The following TTN variants were observed in gnomAD, a reference collection of about 807,000 sequenced individuals.
TTN encodes titin.
Under a neutral mutation model 3,223.0 loss-of-function variants are expected in TTN, and 1,525 were observed. That is an observed-to-expected ratio of 0.47 (90% CI 0.45 to 0.49). TTN has a LOEUF of 0.49. TTN is among the 20% of genes least tolerant of loss of function. TTN has a pLI of 0.00. For synonymous variants in TTN, 14,094 were observed against 15,161.0 expected (o/e 0.93, Z 5.17); for missense variants, 40,786 against 43,424.0 (o/e 0.94, Z 5.40).
Position 178,593,606 on chromosome 2 carries a change from G to A in TTN, c.58694C>T (p.Pro19565Leu), listed in dbSNP as rs878880222. The change falls in exon 298 of 363, where the codon CCT becomes CTT. Residue 19565 changes from proline (P) to leucine (L), a missense_variant. Physicochemically the swap from Pro to Leu is moderately conservative, Grantham distance 98. Transcript: ENST00000589042. Reference protein sequence around the residue: ...HAENLYGISDPLVSDSMKAKD... With the variant: ...HAENLYGISDLLVSDSMKAKD... ...GGCTTTCATTGAATCAGACACCAGA[G>A]GATCACTTATTCCATACAGATTTTC... 1.9e-6 allele frequency: 3 copies of A among 1,612,610 alleles called. No individual in the cohort carries two copies. In the African/African-American group the frequency reaches 4.0e-5, roughly 22 times the overall value.
chr2:178,619,324 G>C, intron 250 of TTN: 1 of 462,718 alleles, frequency 2.2e-6, no homozygotes, highest in Non-Finnish European at 3.8e-6. Context: ...GAGAGTATAA[G>C]ACCGTCTTTA....
intron 71 of TTN, 60 bp from the exon 72 acceptor site, chr2:178,724,598 T>C: frequency 1.4e-6 from 2 of 1,480,180 alleles, no homozygotes; most frequent in South Asian, 1.5e-5. Flanking sequence ...GTCTCTACTA[T>C]CACATTCACT....
rs1440402638 is a variant in TTN, at chr2:178,599,634, C to T, written c.56267G>A (p.Arg18756Lys). Residue 18756 changes from arginine (R) to lysine (K), a missense_variant, in exon 289 of 363, where the codon AGG becomes AAG. Transcript: ENST00000589042. Reference protein sequence around the residue: ...TCTLVIPQSRRSDTGLYTITA... With the variant: ...TCTLVIPQSRKSDTGLYTITA... The stretch of plus-strand genomic sequence containing the variant: ...GATGGTATATAAGCCAGTGTCACTC[C>T]TGCGAGACTGCGGAATAACTAAAGT... 1.2e-6 allele frequency: 2 copies of T among 1,612,558 alleles called. No homozygotes were observed. The highest frequency in any genetic ancestry group is 1.7e-6 in the Non-Finnish European group (2 of 1,179,164).
In TTN at chr2:178,724,143, T is replaced by C; in HGVS notation, c.21116A>G (p.Asp7039Gly). ...TGTGAAAGAGGGAGGAACTGCTCGG[T>C]CTGTGTGAGGAAAGGTAAGAGACTC... Reference protein sequence around the residue: ...SSCTAVVDVSDRAVPPSFTRR... With the variant: ...SSCTAVVDVSGRAVPPSFTRR... Residue 7039 changes from aspartate (D) to glycine (G), a missense_variant and splice_region_variant, in exon 73 of 363, where the codon GAC becomes GGC. Physicochemically the swap from Asp to Gly is moderately conservative, Grantham distance 94. Coordinates refer to ENST00000589042, the MANE Select transcript of TTN (RefSeq NM_001267550.2). The C allele has an allele frequency of 3.1e-6, 5 of 1,609,090 alleles. No individual in the cohort carries two copies. The highest frequency in any genetic ancestry group is 4.2e-6 in the Non-Finnish European group (5 of 1,176,920).
chr2:178,619,720 T>G lies in TTN; in HGVS notation c.46597A>C (p.Ile15533Leu), dbSNP rs1406271344. The change falls in exon 250 of 363, where the codon ATA (isoleucine) becomes CTA (leucine). Residue 15533 changes from isoleucine to leucine, a missense_variant. Transcript: ENST00000589042. ...ATATCACAAATCTGTAGTCGATGTATCTTTCCTTCACTCATCATCTGGTGT... is the reference window on the plus strand; with the variant it reads ...ATATCACAAATCTGTAGTCGATGTAGCTTTCCTTCACTCATCATCTGGTGT... ...DKHQMMSEGK[I>L]HRLQICDIKP... is the part of the protein sequence containing the mutation. 6.2e-7 allele frequency: 1 copy of G among 1,612,452 alleles called. No homozygotes were observed. The highest frequency in any genetic ancestry group is 1.7e-5 in the Admixed American group (1 of 59,914).
At chr2:178,774,573 A>G (rs1347170250) in intron 29 of TTN, 100 bp from the exon 30 acceptor site, 8 of 1,090,940 alleles carry the variant, frequency 7.3e-6, no homozygotes, top group Non-Finnish European at 9.3e-6. Flanking sequence ...TCTCCCCCAT[A>G]CTATCAGGTG....
chr2:178,751,469 T>C (rs2085481373), intron 47 of TTN: 4 of 1,613,310 alleles, frequency 2.5e-6, no homozygotes, highest in Non-Finnish European at 3.4e-6. Flanking sequence ...ATCTTGTTTT[T>C]TGTTAAAGGG....
chr2:178,631,806 A>G (rs549655547), intron 236 of TTN, among the ~76,000 whole-genome samples: 1 of 152,222 alleles, frequency 6.6e-6, no homozygotes, highest in East Asian at 1.9e-4. Context: ...CTCTTATGGG[A>G]AACTTGAAAA....
intron 21 of TTN, 31 bp downstream of exon 21, chr2:178,781,090 T>C (rs556920792): frequency 1.2e-6 from 2 of 1,613,498 alleles, no homozygotes; most frequent in African/African-American, 1.3e-5. Flanking sequence ...TCAGTTCTTA[T>C]CATGCACATA....
intron 180 of TTN, among the ~76,000 whole-genome samples, chr2:178,661,524 G>T (rs2064731016): frequency 4.1e-5 from 1 of 24,174 alleles, no homozygotes; most frequent in South Asian, 1.2e-3. Flanking sequence ...GGAGTGTGTT[G>T]TGAGGTGGGG....
chr2:178,758,809 T>C (rs931293826), intron 44 of TTN, 175 bp downstream of exon 44: 8 of 685,118 alleles, frequency 1.2e-5, no homozygotes, highest in Non-Finnish European at 2.0e-5. Flanking sequence ...TGATTCACAA[T>C]GAAAAGTGGT....
At chr2:178,599,923 T>A in intron 288 of TTN, 73 bp from the exon 289 acceptor site, 2 of 1,421,392 alleles carry the variant, frequency 1.4e-6, no homozygotes, top group Non-Finnish European at 1.9e-6. Context: ...TCACAGTTAC[T>A]ATAAAGTTGT....
intron 34 of TTN, 122 bp from the exon 35 acceptor site, chr2:178,770,797 A>G: frequency 8.1e-7 from 1 of 1,233,570 alleles, no homozygotes; most frequent in Non-Finnish European, 1.2e-6. Context: ...TTTTACAGTT[A>G]TGCAGCACCT....
chr2:178,630,254 G>A lies in TTN; in HGVS notation c.44268C>T (p.His14756=), dbSNP rs763411790. 2.5e-6 allele frequency: 4 copies of A among 1,613,008 alleles called. No individual in the cohort carries two copies. Among genetic ancestry groups the A allele is most frequent in the African/African-American group, 1.3e-5 (1 of 74,930 alleles). ...FQAANVKSSA[H]LRVKPRVIGL... The stretch of plus-strand genomic sequence containing the variant: ...TACAATACTTACGCTTAACTCGGAG[G>A]TGGGCACTAGATTTAACATTGGCAG... The change falls in exon 239 of 363, where the codon CAC becomes CAT. Residue 14756 remains histidine, a synonymous_variant. Transcript: ENST00000589042.
At chr2:178,667,570 A>G in intron 160 of TTN, 45 bp from the exon 161 acceptor site, 1 of 1,581,766 alleles carries the variant, frequency 6.3e-7, no homozygotes, top group African/African-American at 1.4e-5. Context: ...GGTGAAGAAA[A>G]ATATTGAGCT....
chr2:178,682,015 T>A (rs1002286249), intron 135 of TTN, among the ~76,000 whole-genome samples: 2 of 151,968 alleles, frequency 1.3e-5, no homozygotes, highest in Non-Finnish European at 1.5e-5. Flanking sequence ...ATGGTTTTTT[T>A]AAAGCTATCA....
rs567422115 is a variant in TTN at position 178,689,692 on chromosome 2, G to T, written c.31847-97C>A. 474 of 1,431,554 alleles carry T rather than the reference G, an allele frequency of 3.3e-4. 8 individuals are homozygous for T. Among genetic ancestry groups the T allele is most frequent in the South Asian group, 3.2e-3 (243 of 75,190 alleles). The allele number at this position is 1,431,554 out of a possible 1,614,324, so 88.7% of individuals were successfully genotyped here. A position where few individuals can be genotyped will look rare whatever the true frequency, so the allele number is the denominator to read the frequency against. Reference sequence around the variant, plus strand: ...AGCAGACGGGTGGACAGACACTTTTGTTCAGTTCTCACCACAAAACATTCA... The same window carrying T: ...AGCAGACGGGTGGACAGACACTTTTTTTCAGTTCTCACCACAAAACATTCA... On this transcript the variant is annotated intron_variant, in intron 122 of 362. Transcript: ENST00000589042.
chr2:178,641,486 T>A, intron 219 of TTN, 171 bp from the exon 220 acceptor site: 2 of 439,786 alleles, frequency 4.5e-6, no homozygotes, highest in Non-Finnish European at 7.9e-6. Context: ...TTGTTTTTTT[T>A]AAAATCAAAG....
Position 178,723,441 on chromosome 2 carries a change from C to T in TTN, c.21659G>A (p.Cys7220Tyr). Residue 7220 changes from cysteine (C) to tyrosine (Y), a missense_variant, in exon 74 of 363, where the codon TGC (cysteine) becomes TAC (tyrosine). Cys to Tyr is a radical substitution (Grantham distance 194). Coordinates refer to ENST00000589042, the MANE Select transcript of TTN (RefSeq NM_001267550.2). ...VVSNNAGQAS[C>Y]TTRLFVKEPA... ...ACCTTTCACAAAGAGACGGGTAGTG[C>T]AAGATGCTTGGCCAGCGTTGTTAGA... 6.2e-7 allele frequency: 1 copy of T among 1,612,836 alleles called. No individual in the cohort carries two copies. The highest frequency in any genetic ancestry group is 8.5e-7 in the Non-Finnish European group (1 of 1,179,314).
Sources: allele counts gnomAD v4.1 joint callset (sites outside exome capture counted in the v4.1 genomes callset), GRCh38; gene constraint gnomAD v4.1.1; transcripts MANE v1.5; gene names NCBI Gene and HGNC (gene_info 2026-07-23, HGNC 2026-07-21).